ASPHD1: variants seen among roughly 807,000 people sequenced by gnomAD.
ASPHD1 encodes the protein aspartate beta-hydroxylase domain containing 1.
In ASPHD1, 20 loss-of-function variants were observed where a neutral mutation model predicts 28.3. The observed-to-expected ratio is 0.71, with a 90% CI of 0.50 to 1.03. ASPHD1 has a LOEUF of 1.03. Ranked by LOEUF, ASPHD1 falls within the 50% of genes least tolerant of loss-of-function variation. The pLI is 0.00. For synonymous variants in ASPHD1, 240 were observed against 221.2 expected, an observed-to-expected ratio of 1.08 and a Z score of -0.75; for missense variants, 479 against 524.1, an observed-to-expected ratio of 0.91 and a Z score of 0.84.
At chr16:29,910,269 G>A (rs554625297), downstream of ASPHD1, among the ~76,000 whole-genome samples, 5 of 151,920 alleles carry the variant, frequency 3.3e-5, no homozygotes, top group East Asian at 3.9e-4. Flanking sequence ...ATGGTGGCAC[G>A]TGCCTGTAGT....
chr16:29,903,165 A>G (rs2068569880), intron 1 of ASPHD1, among the ~76,000 whole-genome samples: 1 of 151,430 alleles, frequency 6.6e-6, no homozygotes, highest in African/African-American at 2.4e-5. Context: ...AGACCAGCTG[A>G]CCAACATGGA....
In ASPHD1 at chr16:29,900,616, AG is replaced by A. The variant is rs2068526827; in HGVS notation, c.-354del. The A allele has an allele frequency of 1.8e-4, 61 of 333,028 alleles. 3 individuals are homozygous for A. The South Asian group carries it at 2.1e-3, about 11-fold the overall frequency. 20.6% of individuals were successfully genotyped at this position (333,028 alleles called of 1,614,324 possible). ...GAGTAGGAGAGAGGGAGCGAGAGCC[AG>A]GCAGGACCGCAGGGTCGGGGCTAGT... On this transcript the variant is annotated 5_prime_UTR_variant, in exon 1 of 3. Coordinates refer to ENST00000308748, the MANE Select transcript of ASPHD1 (RefSeq NM_181718.4).
chr16:29,900,918 G>A lies in ASPHD1; in HGVS notation c.-54G>A, dbSNP rs1041631638. On this transcript the variant is annotated 5_prime_UTR_variant, in exon 1 of 3. Transcript: ENST00000308748. ...GGCGACAGAGGGAGAGGAGGAAGAA[G>A]AGGTAGAAGGAGAGAGAAAGGGGAG... 6.7e-7 allele frequency: 1 copy of A among 1,483,406 alleles called. No homozygotes were observed. 91.9% of individuals were successfully genotyped at this position (1,483,406 alleles called of 1,614,324 possible). A position where few individuals can be genotyped will look rare whatever the true frequency, so the allele number is the denominator to read the frequency against.
At chr16:29,912,822 T>C (rs1018588997) in intron 3 of ASPHD1, among the ~76,000 whole-genome samples, 12 of 152,256 alleles carry the variant, frequency 7.9e-5, no homozygotes, top group African/African-American at 2.9e-4. Context: ...TCTTCCCACC[T>C]AGGAATAACT....
chr16:29,907,930 GAGTTCA>G (rs1231768893), downstream of ASPHD1, among the ~76,000 whole-genome samples: 1 of 151,558 alleles, frequency 6.6e-6, no homozygotes, highest in Non-Finnish European at 1.5e-5. Context: ...TAGAGCCCAG[GAGTTCA>G]AGTTCAAAGC....
Position 29,901,748 on chromosome 16 carries a change from G to GT in ASPHD1, c.778dup (p.Cys260LeufsTer66). 1 of 1,551,728 alleles carries GT rather than the reference G, an allele frequency of 6.4e-7. No homozygotes were observed. Among genetic ancestry groups the GT allele is most frequent in the Non-Finnish European group, 8.7e-7 (1 of 1,149,556 alleles). ...AGCTCCTGCTGTACCAAGCAGGCCG[G>GT]TGCCAACCCAGCAACTGCCGCCGGT... On this transcript the variant is annotated frameshift_variant, in exon 1 of 3. Transcript: ENST00000308748. LOFTEE classifies it high-confidence loss of function. This position sits in a 1 kb window ranked among gnomAD's most constrained non-coding sequence, Gnocchi z 5.1.
At position 29,901,577 on chromosome 16, in the gene ASPHD1, G is replaced by A. The variant is rs2068549466; in HGVS notation, c.606G>A (p.Pro202=). ...ACCTGCCTTCAGCCCCCTTTGTGCC[G>A]CGGGACGCCCAGCGGCACGACGTGG... The part of the protein sequence containing the change: ...LPDLPSAPFV[P]RDAQRHDVEL... The change falls in exon 1 of 3, where the codon CCG becomes CCA. Residue 202 remains proline, a synonymous_variant. Coordinates refer to ENST00000308748, the MANE Select transcript of ASPHD1 (RefSeq NM_181718.4). The surrounding 1 kb of genome is among the most constrained non-coding windows in gnomAD (Gnocchi z 5.1). The A allele has an allele frequency of 6.5e-7, 1 of 1,543,900 alleles. No homozygotes were observed. Among genetic ancestry groups the A allele is most frequent in the Non-Finnish European group, 8.7e-7 (1 of 1,153,098 alleles).
intron 3 of ASPHD1, chr16:29,914,279 CT>C (rs1040613202): frequency 1.3e-5 from 2 of 152,076 alleles, no homozygotes; most frequent in African/African-American, 2.4e-5. Flanking sequence ...GATTTCCCCC[CT>C]CCCACATGCC....
At chr16:29,902,417 G>A (rs972542536) in intron 1 of ASPHD1, among the ~76,000 whole-genome samples, 1 of 152,194 alleles carries the variant, frequency 6.6e-6, no homozygotes, top group African/African-American at 2.4e-5. Context: ...TGACAAGAAA[G>A]TACTCATAAA....
chr16:29,902,883 C>CTTTTT lies in ASPHD1; in HGVS notation c.949+964_949+968dup, dbSNP rs370689330. Among the ~76,000 whole-genome samples the CTTTTT allele has an allele frequency of 1.2e-4, 13 of 107,546 alleles. 3 individuals carry two copies. The highest frequency in any genetic ancestry group is 1.8e-4 in the Non-Finnish European group (10 of 55,068). The allele number at this position is 107,546 out of a possible 152,430, so 70.6% of individuals were successfully genotyped here. ...CAGTAGCACCAAACTGAGATTTTTT[C>CTTTTT]TTTTTCTTTTTTTTTTTTTTTTGAG... On this transcript the variant is annotated intron_variant, in intron 1 of 2. Coordinates refer to ENST00000308748, the MANE Select transcript of ASPHD1 (RefSeq NM_181718.4).
intron 3 of ASPHD1, among the ~76,000 whole-genome samples, chr16:29,918,719 C>T (rs1411572019): frequency 2.6e-5 from 4 of 152,078 alleles, no homozygotes; most frequent in Non-Finnish European, 5.9e-5. Context: ...TGCAGTGGCA[C>T]GATCTCGGCT....
At chr16:29,911,360 C>G (rs1291467792) in intron 3 of ASPHD1, 1 of 605,082 alleles carries the variant, frequency 1.7e-6, no homozygotes, top group African/African-American at 1.9e-5. Context: ...ATGCGCTGAG[C>G]AAATCCCAGC....
downstream of ASPHD1, among the ~76,000 whole-genome samples, chr16:29,907,513 G>A (rs892991566): frequency 1.3e-5 from 2 of 152,142 alleles, no homozygotes; most frequent in African/African-American, 2.4e-5. Flanking sequence ...CTAGCCTGGC[G>A]CAGTGACTCA....
At chr16:29,912,001 A>T (rs775075302) in intron 3 of ASPHD1, 1 of 1,611,792 alleles carries the variant, frequency 6.2e-7, no homozygotes, top group Non-Finnish European at 8.5e-7. Flanking sequence ...TCCCGGGGAG[A>T]TGTCACCATG....
At chr16:29,910,971 C>T (rs2068697804), downstream of ASPHD1, 2 of 1,613,120 alleles carry the variant, frequency 1.2e-6, no homozygotes, top group Non-Finnish European at 1.7e-6. Context: ...TCTGGAGCCC[C>T]TCTGACCTTG....
At chr16:29,912,332 T>C in intron 3 of ASPHD1, 1 of 518,744 alleles carries the variant, frequency 1.9e-6, no homozygotes, top group Non-Finnish European at 3.4e-6. Flanking sequence ...GCGTGGCGTG[T>C]CCGTCATGCC....
chr16:29,915,626 A>G (rs2068796944), intron 3 of ASPHD1, among the ~76,000 whole-genome samples: 1 of 151,846 alleles, frequency 6.6e-6, no homozygotes. Context: ...AAAAGAAAAG[A>G]AAAAGAAAAA....
At chr16:29,911,538 G>C (rs1160929089) in intron 3 of ASPHD1, 2 of 588,226 alleles carry the variant, frequency 3.4e-6, no homozygotes, top group Admixed American at 3.1e-5. Context: ...TGACCTCAAG[G>C]GGGAGGACTC....
downstream of ASPHD1, among the ~76,000 whole-genome samples, chr16:29,909,212 C>T (rs571473041): frequency 1.3e-5 from 2 of 152,260 alleles, no homozygotes; most frequent in Non-Finnish European, 2.9e-5. Context: ...CATGATAAAA[C>T]ACTGTCTTTA....
Sources: allele counts gnomAD v4.1 joint callset (sites outside exome capture counted in the v4.1 genomes callset), GRCh38; gene constraint gnomAD v4.1.1; non-coding constraint Gnocchi (gnomAD v3.1); transcripts MANE v1.5; gene names NCBI Gene and HGNC (gene_info 2026-07-23, HGNC 2026-07-21).